Variants in NCOA3 observed in about 807,000 individuals in gnomAD.
NCOA3 encodes CBP-interacting protein.
NCOA3 carries 51 observed loss-of-function variants against 158.8 expected under a neutral mutation model. That is an observed-to-expected ratio of 0.32 (90% CI 0.26 to 0.41). The LOEUF is 0.41. Ranked by LOEUF, NCOA3 falls within the 10% of genes least tolerant of loss-of-function variation. NCOA3 has a pLI of 1.00. For missense variants in NCOA3, 1,510 were observed against 1,746.6 expected, an observed-to-expected ratio of 0.86 and a Z score of 2.41; for synonymous variants, 537 against 592.4, an observed-to-expected ratio of 0.91 and a Z score of 1.36.
At chr20:47,598,059 C>T (rs939744394) in intron 2 of NCOA3, among the ~76,000 whole-genome samples, 13 of 151,072 alleles carry the variant, frequency 8.6e-5, no homozygotes, top group African/African-American at 2.4e-4. Flanking sequence ...TCCTGGCTAA[C>T]GCAATGAAAC....
intron 1 of NCOA3, among the ~76,000 whole-genome samples, chr20:47,551,502 G>T (rs568238767): frequency 6.6e-6 from 1 of 152,118 alleles, no homozygotes; most frequent in African/African-American, 2.4e-5. Flanking sequence ...TTTACATTTC[G>T]TGTTTTTATA....
intron 1 of NCOA3, among the ~76,000 whole-genome samples, chr20:47,508,268 T>TTTTTAG (rs1228228285): frequency 6.6e-6 from 1 of 152,180 alleles, no homozygotes; most frequent in East Asian, 1.9e-4. Flanking sequence ...AAGGCTAGCA[T>TTTTTAG]TTTTAGTTTG....
At chr20:47,542,014 T>TTTG (rs1297110070) in intron 1 of NCOA3, among the ~76,000 whole-genome samples, 25 of 110,742 alleles carry the variant, frequency 2.3e-4, no homozygotes, top group Middle Eastern at 4.8e-3. Context: ...GTAGAGTTTT[T>TTTG]TTTTTTTTTT....
chr20:47,575,351 T>A (rs1434543492), intron 1 of NCOA3, among the ~76,000 whole-genome samples: 1 of 152,192 alleles, frequency 6.6e-6, no homozygotes, highest in East Asian at 1.9e-4. Context: ...TTGCAAACCA[T>A]GTTGAAAAAA....
chr20:47,584,765 C>T (rs1264891321), intron 2 of NCOA3, among the ~76,000 whole-genome samples: 1 of 152,048 alleles, frequency 6.6e-6, no homozygotes, highest in African/African-American at 2.4e-5. Flanking sequence ...CTGTCTTAGG[C>T]ATGGCAGAAA....
intron 1 of NCOA3, among the ~76,000 whole-genome samples, chr20:47,577,399 G>A (rs776053440): frequency 6.6e-6 from 1 of 152,160 alleles, no homozygotes; most frequent in Non-Finnish European, 1.5e-5. Flanking sequence ...TTTTGGATTT[G>A]TCTTGCTTTC....
chr20:47,515,240 A>G (rs1055206534), intron 1 of NCOA3, among the ~76,000 whole-genome samples: 4 of 150,514 alleles, frequency 2.7e-5, no homozygotes, highest in Non-Finnish European at 4.4e-5. Flanking sequence ...TCCGCTCACC[A>G]CAACCTCCGC....
At chr20:47,620,650 A>T (rs1469616667) in intron 2 of NCOA3, among the ~76,000 whole-genome samples, 3 of 152,182 alleles carry the variant, frequency 2.0e-5, no homozygotes, top group Admixed American at 2.0e-4. Flanking sequence ...ATCTGAGGAT[A>T]ATTTGCATAT....
rs574735277 is a variant in NCOA3, at chr20:47,512,457, A to C, written c.-99+10438A>C. Reference sequence around the variant, plus strand: ...GTGGCACATGCCTGTAGTCCCAGCTACTCGGGAGGTTGAGGCAGGAGAATT... The same window carrying C: ...GTGGCACATGCCTGTAGTCCCAGCTCCTCGGGAGGTTGAGGCAGGAGAATT... On this transcript the variant is annotated intron_variant, in intron 1 of 22. Transcript: ENST00000371998. Among the ~76,000 whole-genome samples, 33 of 151,548 alleles carry C rather than the reference A, an allele frequency of 2.2e-4. No homozygotes were observed. In the South Asian group the frequency reaches 6.9e-3, roughly 32 times the overall value.
intron 1 of NCOA3, among the ~76,000 whole-genome samples, chr20:47,572,161 A>T (rs536020562): frequency 6.6e-6 from 1 of 152,304 alleles, no homozygotes; most frequent in Admixed American, 6.5e-5. Flanking sequence ...GCTTTGGCTT[A>T]TGGAATATTG....
intron 1 of NCOA3, among the ~76,000 whole-genome samples, chr20:47,582,699 T>C (rs1230124319): frequency 1.3e-5 from 2 of 152,184 alleles, no homozygotes; most frequent in Non-Finnish European, 2.9e-5. Flanking sequence ...AAGTAGTGAT[T>C]ATATGGTACA....
At chr20:47,637,845 A>G (rs1348374458) in intron 13 of NCOA3, 62 bp downstream of exon 13, 1 of 1,461,110 alleles carries the variant, frequency 6.8e-7, no homozygotes, top group Non-Finnish European at 9.3e-7. Flanking sequence ...CATACCTGTA[A>G]ACACTCTTAC....
At chr20:47,634,292 A>C in intron 10 of NCOA3, 97 bp downstream of exon 10, 2 of 1,217,066 alleles carry the variant, frequency 1.6e-6, no homozygotes, top group Non-Finnish European at 2.3e-6. Context: ...AAATGAGACA[A>C]AATTTAGGAA....
intron 2 of NCOA3, among the ~76,000 whole-genome samples, chr20:47,611,617 C>A (rs1016790036): frequency 1.3e-5 from 2 of 152,044 alleles, no homozygotes; most frequent in African/African-American, 4.8e-5. Flanking sequence ...CATGGCGAAA[C>A]CCCGACTCTA....
rs1183077273 is a variant in NCOA3 at position 47,636,136 on chromosome 20, A to G, written c.1750A>G (p.Met584Val). 12 of 1,614,116 alleles carry G rather than the reference A, an allele frequency of 7.4e-6. No individual in the cohort carries two copies. Among genetic ancestry groups the G allele is most frequent in the South Asian group, 6.6e-5 (6 of 91,090 alleles). Residue 584 changes from methionine to valine, a missense_variant, in exon 12 of 23, where the codon ATG (methionine) becomes GTG (valine). By Grantham distance (21) the Met-to-Val change is conservative. Transcript: ENST00000371998. ...CGACCAAAATCCAGTGGAGAGTTCA[A>G]TGTGTCAGTCAAATAGCAGAGATCA... is the stretch of plus-strand genomic sequence containing the variant. ...YCDQNPVESS[M>V]CQSNSRDHLS...
At chr20:47,525,936 G>A (rs1355168654) in intron 1 of NCOA3, among the ~76,000 whole-genome samples, 1 of 150,626 alleles carries the variant, frequency 6.6e-6, no homozygotes, top group Non-Finnish European at 1.5e-5. Flanking sequence ...GCCGGGCGGG[G>A]GGCTGACCCC....
chr20:47,620,581 G>T (rs2086223675), intron 2 of NCOA3, among the ~76,000 whole-genome samples: 1 of 152,070 alleles, frequency 6.6e-6, no homozygotes, highest in Non-Finnish European at 1.5e-5. Flanking sequence ...TCCTTGCTCT[G>T]CCTGTCCCCA....
intron 17 of NCOA3, among the ~76,000 whole-genome samples, chr20:47,645,715 A>G (rs1395058260): frequency 6.6e-6 from 1 of 152,154 alleles, no homozygotes; most frequent in Non-Finnish European, 1.5e-5. Flanking sequence ...CTTTATTAAG[A>G]CATCTTCAGC....
intron 1 of NCOA3, among the ~76,000 whole-genome samples, chr20:47,533,141 G>A (rs2084573967): frequency 1.4e-5 from 2 of 147,714 alleles, no homozygotes; most frequent in South Asian, 4.3e-4. Context: ...AAATTAACCG[G>A]GCGTGGTGGC....
Sources: allele counts gnomAD v4.1 joint callset (sites outside exome capture counted in the v4.1 genomes callset), GRCh38; gene constraint gnomAD v4.1.1; transcripts MANE v1.5; gene names NCBI Gene and HGNC (gene_info 2026-07-23, HGNC 2026-07-21).